The following DIS3L2 variants were observed in gnomAD, a reference collection of about 807,000 sequenced individuals.
The protein encoded by DIS3L2 is DIS3-like exonuclease 2.
In DIS3L2, 34 loss-of-function variants were observed where a neutral mutation model predicts 97.5. The observed-to-expected ratio is 0.35, with a 90% CI of 0.27 to 0.46. The LOEUF (loss-of-function observed/expected upper bound fraction) is 0.46, where lower values mean the gene tolerates loss of function less well. Ranked by LOEUF, DIS3L2 falls within the 20% of genes least tolerant of loss-of-function variation. The pLI is 1.00. For synonymous variants in DIS3L2, 435 were observed against 445.2 expected (o/e 0.98, Z 0.29); for missense variants, 1,038 against 1,146.0 (o/e 0.91, Z 1.36).
chr2:232,300,116 A>G lies in DIS3L2; in HGVS notation c.1736A>G (p.Asn579Ser), dbSNP rs1694818934. 1 of 1,613,540 alleles carries G rather than the reference A, an allele frequency of 6.2e-7. No homozygotes were observed. Among genetic ancestry groups the G allele is most frequent in the South Asian group, 1.1e-5 (1 of 91,060 alleles). The stretch of plus-strand genomic sequence containing the variant: ...CATATCTATGAGTACCGCGAGAGCA[A>G]CAAGTAAGCCACTCAGTGGGAAAGA... The part of the protein sequence containing the change: ...GCHIYEYRES[N>S]KLVEEFMLLA... The change falls in exon 14 of 21, where the codon AAC becomes AGC. Residue 579 changes from asparagine (N) to serine (S), a missense_variant. This residue lies in a region of DIS3L2 where 813 missense variants were observed against 880.1 expected (regional missense o/e 0.92). Coordinates refer to ENST00000325385, the MANE Select transcript of DIS3L2 (RefSeq NM_152383.5).
intron 13 of DIS3L2, among the ~76,000 whole-genome samples, chr2:232,287,998 A>AT (rs1256093916): frequency 6.6e-6 from 1 of 152,126 alleles, no homozygotes; most frequent in African/African-American, 2.4e-5. Flanking sequence ...ATCAATGGGC[A>AT]TTTTGTGGCT....
intron 9 of DIS3L2, among the ~76,000 whole-genome samples, chr2:232,204,461 T>G (rs1221943475): frequency 1.3e-5 from 2 of 152,196 alleles, no homozygotes; most frequent in African/African-American, 4.8e-5. Context: ...AAAGTTCTTC[T>G]AAGCCCTTCA....
intron 19 of DIS3L2, 66 bp downstream of exon 19, chr2:232,334,801 C>T: frequency 7.0e-7 from 1 of 1,435,646 alleles, no homozygotes; most frequent in Non-Finnish European, 9.5e-7. Flanking sequence ...TGGAGGGGCA[C>T]AGGCTGTGAT....
chr2:232,311,305 A>G, intron 14 of DIS3L2, among the ~76,000 whole-genome samples: 1 of 152,252 alleles, frequency 6.6e-6, no homozygotes, highest in Non-Finnish European at 1.5e-5. Context: ...ATACTGGAAA[A>G]TAGGTTTTTA....
At chr2:232,149,195 T>TG (rs1029018166) in intron 8 of DIS3L2, among the ~76,000 whole-genome samples, 10 of 135,482 alleles carry the variant, frequency 7.4e-5, no homozygotes, top group African/African-American at 3.0e-4. Flanking sequence ...GCTTAAAAGT[T>TG]TTTTTTTTTT....
chr2:232,332,032 G>C (rs1695751422), intron 16 of DIS3L2: 1 of 152,322 alleles, frequency 6.6e-6, no homozygotes, highest in Non-Finnish European at 1.5e-5. Flanking sequence ...TCCCCAGTGA[G>C]CATCTGCATC....
At chr2:232,107,732 C>A (rs2106329258) in intron 6 of DIS3L2, among the ~76,000 whole-genome samples, 1 of 152,244 alleles carries the variant, frequency 6.6e-6, no homozygotes, top group Non-Finnish European at 1.5e-5. Context: ...AATATTATCA[C>A]CACAGAAATA....
Position 232,263,250 on chromosome 2 carries a change from C to G in DIS3L2, c.1469C>G (p.Thr490Ser). ...GGCCGGACCATCATCCGCTCCTGCA[C>G]CAAACTTAGCTACGAGCATGCACAG... ...WFGRTIIRSC[T>S]KLSYEHAQSM... Residue 490 changes from threonine to serine, a missense_variant, in exon 13 of 21, where the codon ACC becomes AGC. Transcript: ENST00000325385. 1 of 1,614,230 alleles carries G rather than the reference C, an allele frequency of 6.2e-7. No homozygotes were observed. The highest frequency in any genetic ancestry group is 8.5e-7 in the Non-Finnish European group (1 of 1,180,044).
At chr2:232,100,804 GGTGTGT>G (rs61079731) in intron 6 of DIS3L2, among the ~76,000 whole-genome samples, 21 of 147,732 alleles carry the variant, frequency 1.4e-4, no homozygotes, top group South Asian at 8.6e-4. Context: ...TTGAAAGAAA[GGTGTGT>G]GTGTGTGTGT....
intron 1 of DIS3L2, among the ~76,000 whole-genome samples, chr2:232,004,107 C>G (rs983471148): frequency 1.3e-5 from 2 of 152,068 alleles, no homozygotes; most frequent in Non-Finnish European, 2.9e-5. Flanking sequence ...GAGTCTTGCT[C>G]TGTTTCCTAG....
In DIS3L2 at chr2:232,108,689, GA is replaced by G. The variant is rs564293788; in HGVS notation, c.601+20969del. Among the ~76,000 whole-genome samples, 8 of 152,330 alleles carry G rather than the reference GA, an allele frequency of 5.3e-5. No individual in the cohort carries two copies. The South Asian group carries it at 1.7e-3, about 32-fold the overall frequency. On this transcript the variant is annotated intron_variant, in intron 6 of 20. Coordinates refer to ENST00000325385, the MANE Select transcript of DIS3L2 (RefSeq NM_152383.5). ...TGTCAGCCCAAAAGCTTCTTAAGCTGATAAGCAACTTAAGCAAAGTCTCAGG... is the reference window on the plus strand; with the variant it reads ...TGTCAGCCCAAAAGCTTCTTAAGCTGTAAGCAACTTAAGCAAAGTCTCAGG...
At chr2:232,299,280 G>T (rs986421380) in intron 13 of DIS3L2, among the ~76,000 whole-genome samples, 1 of 152,186 alleles carries the variant, frequency 6.6e-6, no homozygotes, top group Non-Finnish European at 1.5e-5. Context: ...GTGGTCTGTG[G>T]TCTGCAGTCT....
intron 1 of DIS3L2, among the ~76,000 whole-genome samples, chr2:231,962,762 C>T (rs1221391151): frequency 6.6e-6 from 1 of 152,104 alleles, no homozygotes; most frequent in Non-Finnish European, 1.5e-5. Context: ...TGTCCATGTG[C>T]GCTCAATGTT....
At chr2:232,247,614 C>G (rs144750754) in intron 11 of DIS3L2, among the ~76,000 whole-genome samples, 4,802 of 11,816 alleles carry the variant, frequency 0.41, 556 homozygotes, top group African/African-American at 0.52. Flanking sequence ...ATATAACTGC[C>G]GCGGGGGGGG....
At chr2:232,110,129 T>A (rs1000974048) in intron 6 of DIS3L2, among the ~76,000 whole-genome samples, 1 of 152,088 alleles carries the variant, frequency 6.6e-6, no homozygotes, top group African/African-American at 2.4e-5. Context: ...ATTAGAGAAA[T>A]ACAAATCAGA....
intron 6 of DIS3L2, among the ~76,000 whole-genome samples, chr2:232,125,032 A>G (rs1466327996): frequency 6.6e-6 from 1 of 152,204 alleles, no homozygotes; most frequent in East Asian, 1.9e-4. Flanking sequence ...TCATTTATAC[A>G]CACACGGCTT....
At position 232,336,381 on chromosome 2, in the gene DIS3L2, AG is replaced by A. The variant is rs755015535; in HGVS notation, c.2497-84del. Reference sequence around the variant, plus strand: ...GCTTCCAGAGGCCGAAGGAGGGGCCAGGGGTCCTGCTGCAGGGATGGAGGCA... The same window carrying A: ...GCTTCCAGAGGCCGAAGGAGGGGCCAGGGTCCTGCTGCAGGGATGGAGGCA... On this transcript the variant is annotated intron_variant, in intron 20 of 20. Transcript: ENST00000325385. 68 of 1,550,298 alleles carry A rather than the reference AG, an allele frequency of 4.4e-5. No homozygotes were observed. In the Middle Eastern group the frequency reaches 6.7e-4, roughly 15 times the overall value.
At chr2:232,291,165 C>T (rs1694588565) in intron 13 of DIS3L2, among the ~76,000 whole-genome samples, 1 of 152,054 alleles carries the variant, frequency 6.6e-6, no homozygotes. Context: ...GCCATAGAAT[C>T]GTCATTAACC....
rs572370706 is a variant in DIS3L2 at position 232,252,859 on chromosome 2, C to G, written c.1425+3513C>G. 3.4e-4 allele frequency among the ~76,000 whole-genome samples: 51 copies of G among 152,110 alleles called. 1 individual carries two copies. The highest frequency in any genetic ancestry group is 3.3e-3 in the Admixed American group (51 of 15,290). ...AAGGCTGCAGTGAGCCATGATCACGCCACGCAATCCCAGCACTTTGGGAGG... is the reference window on the plus strand; with the variant it reads ...AAGGCTGCAGTGAGCCATGATCACGGCACGCAATCCCAGCACTTTGGGAGG... On this transcript the variant is annotated intron_variant, in intron 12 of 20. Coordinates refer to ENST00000325385, the MANE Select transcript of DIS3L2 (RefSeq NM_152383.5).
Sources: allele counts gnomAD v4.1 joint callset (sites outside exome capture counted in the v4.1 genomes callset), GRCh38; gene constraint gnomAD v4.1.1; regional missense constraint gnomAD v4.1.1; transcripts MANE v1.5; gene names NCBI Gene and HGNC (gene_info 2026-07-23, HGNC 2026-07-21).